The following ADK variants were observed in gnomAD, a reference collection of about 807,000 sequenced individuals.
ADK encodes the protein N6,N6-dimethyladenosine kinase.
A neutral mutation model predicts 44.7 loss-of-function variants in ADK; 24 were observed. That is an observed-to-expected ratio of 0.54 (90% CI 0.39 to 0.76). The LOEUF (loss-of-function observed/expected upper bound fraction) is 0.76. ADK is among the 30% of genes least tolerant of loss of function. The pLI is 0.00. For synonymous variants in ADK, 128 were observed against 142.6 expected (o/e 0.90, Z 0.73); for missense variants, 321 against 425.1 (o/e 0.76, Z 2.15).
In ADK at chr10:74,443,983, G is replaced by C. The variant is rs192754432; in HGVS notation, c.555+45404G>C. Reference sequence around the variant, plus strand: ...TTGGATAAATACATTATAGTATTTAGAATAAAACTCATGTGTTAGTAAGCC... The same window carrying C: ...TTGGATAAATACATTATAGTATTTACAATAAAACTCATGTGTTAGTAAGCC... On this transcript the variant is annotated intron_variant, in intron 6 of 10. Coordinates refer to ENST00000539909, the MANE Select transcript of ADK (RefSeq NM_006721.4). 3.3e-5 allele frequency among the ~76,000 whole-genome samples: 5 copies of C among 151,920 alleles called. No individual in the cohort carries two copies. The South Asian group carries it at 6.2e-4, about 19-fold the overall frequency.
At chr10:74,641,044 A>C (rs1018490130) in intron 9 of ADK, among the ~76,000 whole-genome samples, 1 of 152,226 alleles carries the variant, frequency 6.6e-6, no homozygotes. Flanking sequence ...TTGACTTCCC[A>C]ATTAAGGAAG....
chr10:74,220,357 C>G (rs564418193), intron 2 of ADK, among the ~76,000 whole-genome samples: 9 of 152,284 alleles, frequency 5.9e-5, no homozygotes, highest in African/African-American at 2.2e-4. Context: ...ATAACAGGCT[C>G]TGAAATTGTG....
chr10:74,196,757 CTGTACAACAAACCCCCA>C (rs1196343686), intron 1 of ADK, among the ~76,000 whole-genome samples: 1 of 152,060 alleles, frequency 6.6e-6, no homozygotes, highest in Non-Finnish European at 1.5e-5. Flanking sequence ...ATGAAATAAC[CTGTACAACAAACCCCCA>C]TGACACAAGT....
intron 7 of ADK, among the ~76,000 whole-genome samples, chr10:74,565,879 G>C (rs1850649281): frequency 6.6e-6 from 1 of 152,052 alleles, no homozygotes; most frequent in Non-Finnish European, 1.5e-5. Flanking sequence ...AATACAAATT[G>C]GTTGTATAAT....
chr10:74,154,684 T>C (rs953439219), intron 1 of ADK, among the ~76,000 whole-genome samples: 2 of 152,214 alleles, frequency 1.3e-5, no homozygotes, highest in South Asian at 2.1e-4. Flanking sequence ...TGTGCATTTT[T>C]CCATATTTCC....
intron 1 of ADK, among the ~76,000 whole-genome samples, chr10:74,172,284 G>A (rs78106978): frequency 4.5e-4 from 69 of 152,100 alleles, no homozygotes; most frequent in Non-Finnish European, 7.5e-4. Context: ...GACTACAGGT[G>A]TGTGGTCTCC....
chr10:74,614,315 T>G (rs1286680318), intron 9 of ADK, among the ~76,000 whole-genome samples: 2 of 152,096 alleles, frequency 1.3e-5, no homozygotes, highest in African/African-American at 2.4e-5. Context: ...GGAGGGATGT[T>G]TAAGTCAGAT....
intron 10 of ADK, among the ~76,000 whole-genome samples, chr10:74,686,973 G>A (rs563333076): frequency 6.6e-6 from 1 of 152,222 alleles, no homozygotes; most frequent in African/African-American, 2.4e-5. Flanking sequence ...ACAGTGCCTG[G>A]CCGTTACTTA....
intron 3 of ADK, among the ~76,000 whole-genome samples, chr10:74,305,343 T>C (rs1840208533): frequency 6.6e-6 from 1 of 152,212 alleles, no homozygotes; most frequent in East Asian, 1.9e-4. Context: ...TTGAGGAATG[T>C]TGCCTACCCT....
At chr10:74,254,883 G>T (rs1412366284) in intron 3 of ADK, among the ~76,000 whole-genome samples, 1 of 152,120 alleles carries the variant, frequency 6.6e-6, no homozygotes, top group African/African-American at 2.4e-5. Flanking sequence ...AGAGTTTTAT[G>T]GCTAGTGGAT....
chr10:74,260,039 A>C (rs1845984496), intron 3 of ADK, among the ~76,000 whole-genome samples: 1 of 151,874 alleles, frequency 6.6e-6, no homozygotes, highest in Admixed American at 6.6e-5. Flanking sequence ...CTGACCCATT[A>C]TAGCTTTGGC....
chr10:74,298,966 C>T (rs1839909837), intron 3 of ADK, among the ~76,000 whole-genome samples: 2 of 151,938 alleles, frequency 1.3e-5, no homozygotes, highest in Admixed American at 1.3e-4. Flanking sequence ...CATCGGTAGT[C>T]AGTTAAAGAA....
intron 1 of ADK, among the ~76,000 whole-genome samples, chr10:74,153,875 G>A (rs1351012690): frequency 1.3e-5 from 2 of 152,164 alleles, no homozygotes; most frequent in Non-Finnish European, 2.9e-5. Flanking sequence ...TGTTGAGCAC[G>A]TGCCAAGTCT....
chr10:74,228,445 T>C (rs1844631791), intron 3 of ADK, among the ~76,000 whole-genome samples: 1 of 152,170 alleles, frequency 6.6e-6, no homozygotes, highest in South Asian at 2.1e-4. Flanking sequence ...TCAGTTTTAG[T>C]TTTGTAAATG....
chr10:74,522,034 G>A (rs997936758), intron 6 of ADK, among the ~76,000 whole-genome samples: 22 of 152,108 alleles, frequency 1.4e-4, no homozygotes, highest in Admixed American at 3.9e-4. Flanking sequence ...GGGAGAAAAA[G>A]TAACATATTT....
chr10:74,264,265 G>A (rs1846141611), intron 3 of ADK, among the ~76,000 whole-genome samples: 1 of 152,154 alleles, frequency 6.6e-6, no homozygotes, highest in Non-Finnish European at 1.5e-5. Flanking sequence ...CTTTCCAGTG[G>A]TATCTGAGCA....
chr10:74,268,589 G>A (rs1020981995), intron 3 of ADK, among the ~76,000 whole-genome samples: 37 of 152,102 alleles, frequency 2.4e-4, no homozygotes, highest in African/African-American at 8.7e-4. Flanking sequence ...TTACAGAAAT[G>A]TTAGTCCACT....
intron 7 of ADK, among the ~76,000 whole-genome samples, chr10:74,545,119 A>G (rs1849780336): frequency 6.6e-6 from 1 of 152,044 alleles, no homozygotes; most frequent in African/African-American, 2.4e-5. Flanking sequence ...TTTTAGTTTA[A>G]GGTATTCTCT....
chr10:74,477,512 T>C (rs1224090703), intron 6 of ADK, among the ~76,000 whole-genome samples: 1 of 152,176 alleles, frequency 6.6e-6, no homozygotes, highest in Non-Finnish European at 1.5e-5. Context: ...CTAGCCAAGA[T>C]TTTTTAAAAG....
Sources: allele counts gnomAD v4.1 joint callset (sites outside exome capture counted in the v4.1 genomes callset), GRCh38; gene constraint gnomAD v4.1.1; transcripts MANE v1.5; gene names NCBI Gene and HGNC (gene_info 2026-07-23, HGNC 2026-07-21).